Variants in PDE3B observed in about 807,000 individuals in gnomAD.
PDE3B encodes the protein phosphodiesterase 3B, also known as cGMP-inhibited 3',5'-cyclic phosphodiesterase 3B.
A neutral mutation model predicts 116.8 loss-of-function variants in PDE3B; 66 were observed. The ratio of observed to expected loss-of-function variants is 0.56; its 90% CI spans 0.46 to 0.69. The LOEUF (loss-of-function observed/expected upper bound fraction) is 0.69. Among genes scored for constraint, PDE3B ranks in the 30% least tolerant of loss-of-function variants. The pLI is 0.00. For missense variants in PDE3B, 1,384 were observed against 1,368.1 expected (o/e 1.01, Z -0.18); for synonymous variants, 595 against 533.6 (o/e 1.12, Z -1.59).
intron 1 of PDE3B, among the ~76,000 whole-genome samples, chr11:14,688,145 CT>C (rs1854938910): frequency 1.0e-5 from 1 of 96,540 alleles, no homozygotes; most frequent in Non-Finnish European, 2.1e-5. Context: ...CTCTCTCTCC[CT>C]CCCTCCCTCC....
intron 12 of PDE3B, among the ~76,000 whole-genome samples, chr11:14,856,494 T>C (rs1434788198): frequency 1.3e-5 from 2 of 151,712 alleles, no homozygotes; most frequent in Non-Finnish European, 2.9e-5. Flanking sequence ...CTCTACTGAA[T>C]TTTTTTTTGA....
chr11:14,743,352 T>C (rs1856819702), intron 1 of PDE3B, among the ~76,000 whole-genome samples: 1 of 152,100 alleles, frequency 6.6e-6, no homozygotes, highest in Non-Finnish European at 1.5e-5. Context: ...GCAGCTTTAT[T>C]TATGCTGTGA....
intron 1 of PDE3B, among the ~76,000 whole-genome samples, chr11:14,762,908 G>T (rs1388367364): frequency 6.6e-6 from 1 of 152,176 alleles, no homozygotes; most frequent in African/African-American, 2.4e-5. Flanking sequence ...GGGGAGGAAG[G>T]TCAGTTCAGT....
At chr11:14,775,371 C>T (rs1857756115) in intron 2 of PDE3B, 1 of 152,036 alleles carries the variant, frequency 6.6e-6, no homozygotes, top group Non-Finnish European at 1.5e-5. Context: ...AGTACACTTC[C>T]CCAATACATT....
intron 1 of PDE3B, among the ~76,000 whole-genome samples, chr11:14,701,237 C>A (rs1855351830): frequency 6.6e-6 from 1 of 151,572 alleles, no homozygotes; most frequent in Non-Finnish European, 1.5e-5. Flanking sequence ...CACTATTTTT[C>A]TTGTTAGCAT....
At chr11:14,834,303 G>A (rs76128359) in intron 10 of PDE3B, among the ~76,000 whole-genome samples, 3,111 of 151,968 alleles carry the variant, frequency 0.02, 106 homozygotes, top group African/African-American at 0.071. Flanking sequence ...ATCTTTTTTG[G>A]CAAAGTTGTA....
At chr11:14,646,983 AAAATAATTCTATT>A in intron 1 of PDE3B, among the ~76,000 whole-genome samples, 1 of 152,250 alleles carries the variant, frequency 6.6e-6, no homozygotes, top group African/African-American at 2.4e-5. Context: ...TTCTGTCTAC[AAAATAATTCTATT>A]TTGACATTAC....
intron 1 of PDE3B, among the ~76,000 whole-genome samples, chr11:14,737,639 T>C (rs576751303): frequency 1.2e-4 from 18 of 152,338 alleles, no homozygotes; most frequent in African/African-American, 4.1e-4. Context: ...TATTATACTT[T>C]AAGTTTTAGG....
intron 1 of PDE3B, among the ~76,000 whole-genome samples, chr11:14,732,680 A>G (rs965591758): frequency 1.3e-5 from 2 of 152,048 alleles, no homozygotes; most frequent in African/African-American, 4.8e-5. Context: ...TGGTTCCAGG[A>G]CTCTTGAGTA....
chr11:14,879,434 T>A, the PDE3B span: 3 of 1,601,368 alleles, frequency 1.9e-6, no homozygotes, highest in Non-Finnish European at 2.5e-6. Flanking sequence ...AATCTCTTTC[T>A]GAACTTGTCC....
chr11:14,772,719 A>C (rs1477046175), intron 2 of PDE3B: 1 of 151,974 alleles, frequency 6.6e-6, no homozygotes, highest in Non-Finnish European at 1.5e-5. Context: ...TTTATATCAG[A>C]TAAAATGAAA....
At chr11:14,773,333 A>G (rs1857697151) in intron 2 of PDE3B, 1 of 152,010 alleles carries the variant, frequency 6.6e-6, no homozygotes, top group South Asian at 2.1e-4. Flanking sequence ...ATTTTGTTTA[A>G]ATATTTATCA....
At position 14,689,360 on chromosome 11, in the gene PDE3B, G is replaced by A. The variant is rs570938898; in HGVS notation, c.978+44307G>A. Among the ~76,000 whole-genome samples the A allele has an allele frequency of 2.0e-4, 31 of 152,138 alleles. No homozygotes were observed. The South Asian group carries it at 6.2e-3, about 31-fold the overall frequency. On this transcript the variant is annotated intron_variant, in intron 1 of 15. Coordinates refer to ENST00000282096, the MANE Select transcript of PDE3B (RefSeq NM_000922.4). ...CTAGGAGCTTGGAAAGAGAGAATAA[G>A]GCTAGAGTTATACTCTAGAAGTTAC...
chr11:14,891,311 G>C, the PDE3B span: 132 of 985,312 alleles, frequency 1.3e-4, no homozygotes, highest in Non-Finnish European at 1.6e-4. Context: ...CACAGAAGGC[G>C]CCTTTTAAGT....
At chr11:14,859,362 A>T in intron 13 of PDE3B, 116 bp downstream of exon 13, 1 of 630,406 alleles carries the variant, frequency 1.6e-6, no homozygotes, top group East Asian at 2.8e-5. Context: ...AACAATAAAT[A>T]GTTGATATAA....
At chr11:14,714,974 T>A (rs1855833829) in intron 1 of PDE3B, among the ~76,000 whole-genome samples, 1 of 152,302 alleles carries the variant, frequency 6.6e-6, no homozygotes, top group South Asian at 2.1e-4. Context: ...TATTGGTGAT[T>A]ACACAGCAAA....
rs189111782 is a variant in PDE3B, at chr11:14,857,565, C to G, written c.2521-1478C>G. 2.5e-3 allele frequency among the ~76,000 whole-genome samples: 373 copies of G among 152,244 alleles called. 3 individuals carry two copies. The highest frequency in any genetic ancestry group is 8.7e-3 in the African/African-American group (360 of 41,532). ...AGTGACTTGGTTAGCTTTTCTCAAT[C>G]CATTCTCATTTTCACCATGTCTTTG... is the stretch of plus-strand genomic sequence containing the variant. On this transcript the variant is annotated intron_variant, in intron 12 of 15. Transcript: ENST00000282096.
chr11:14,898,538 A>G, the PDE3B span, among the ~76,000 whole-genome samples: 5 of 152,170 alleles, frequency 3.3e-5, no homozygotes, highest in African/African-American at 1.2e-4. Flanking sequence ...CAGCAACTTT[A>G]TAGAATTTCA....
intron 1 of PDE3B, among the ~76,000 whole-genome samples, chr11:14,753,258 T>A (rs1590115964): frequency 6.6e-6 from 1 of 152,152 alleles, no homozygotes; most frequent in East Asian, 1.9e-4. Flanking sequence ...ATGAACCACA[T>A]ACTTTATTAG....
Sources: gnomAD v4.1 joint callset for allele counts (sites outside exome capture counted in the v4.1 genomes callset) on GRCh38, gnomAD v4.1.1 for gene constraint, MANE v1.5 for transcripts, NCBI Gene and HGNC (gene_info 2026-07-23, HGNC 2026-07-21) for gene names.